Variants in SASH1 observed in about 807,000 individuals in gnomAD.
SASH1 encodes SAM and SH3 domain containing 1.
In SASH1, 44 loss-of-function variants were observed where a neutral mutation model predicts 125.2. That is an observed-to-expected ratio of 0.35 (90% confidence interval 0.28 to 0.45). The LOEUF is 0.45. Ranked by LOEUF, SASH1 falls within the 20% of genes least tolerant of loss-of-function variation. The pLI, the probability that SASH1 is intolerant of heterozygous loss-of-function variation, is 1.00. For missense variants in SASH1, 1,426 were observed against 1,614.5 expected (o/e 0.88, Z 2.00); for synonymous variants, 639 against 649.1 (o/e 0.98, Z 0.24).
intron 1 of SASH1, among the ~76,000 whole-genome samples, chr6:148,383,832 C>T (rs995457812): frequency 3.9e-5 from 6 of 152,124 alleles, no homozygotes; most frequent in Non-Finnish European, 7.4e-5. Flanking sequence ...GTTGAGGAAA[C>T]AGTGCTCTGT....
chr6:148,514,772 T>C (rs532420520), intron 9 of SASH1, among the ~76,000 whole-genome samples: 2 of 152,370 alleles, frequency 1.3e-5, no homozygotes, highest in Admixed American at 1.3e-4. Flanking sequence ...ATATAAACTT[T>C]CTAACTTTTT....
At chr6:148,450,724 A>G (rs1583181263) in intron 4 of SASH1, among the ~76,000 whole-genome samples, 4 of 148,586 alleles carry the variant, frequency 2.7e-5, no homozygotes. Context: ...TCATTGAGGT[A>G]TATATTATAT....
At chr6:148,394,637 C>T (rs1265712355) in intron 2 of SASH1, among the ~76,000 whole-genome samples, 2 of 152,064 alleles carry the variant, frequency 1.3e-5, no homozygotes, top group Non-Finnish European at 2.9e-5. Flanking sequence ...TTCTCTATCT[C>T]TCTCTCTTTC....
chr6:148,339,796 C>T (rs1229685334), upstream of SASH1, among the ~76,000 whole-genome samples: 2 of 152,144 alleles, frequency 1.3e-5, no homozygotes. Context: ...GTGCCTGCCT[C>T]AGTCTCCCAA....
chr6:148,387,957 C>G (rs929600719), intron 1 of SASH1, among the ~76,000 whole-genome samples: 1 of 130,224 alleles, frequency 7.7e-6, no homozygotes, highest in Non-Finnish European at 1.6e-5. Flanking sequence ...CTCTTGTTGC[C>G]CAGGCTGGAG....
At chr6:148,269,800 T>G (rs1779021305), upstream of SASH1, among the ~76,000 whole-genome samples, 1 of 152,190 alleles carries the variant, frequency 6.6e-6, no homozygotes, top group East Asian at 1.9e-4. Context: ...TTATACATGA[T>G]TATTTTAAAG....
intron 1 of SASH1, among the ~76,000 whole-genome samples, chr6:148,377,169 CAAAAAAAAAAA>C (rs59339599): frequency 6.4e-5 from 6 of 94,218 alleles, no homozygotes; most frequent in African/African-American, 2.6e-4. Flanking sequence ...GACTCCGTCT[CAAAAAAAAAAA>C]AAACAAAAAA....
chr6:148,445,916 G>A (rs143980492), intron 4 of SASH1, among the ~76,000 whole-genome samples: 4 of 152,066 alleles, frequency 2.6e-5, no homozygotes, highest in Non-Finnish European at 4.4e-5. Flanking sequence ...ACGTTTGAAG[G>A]CAGGGGCATA....
intron 1 of SASH1, among the ~76,000 whole-genome samples, chr6:148,292,962 G>A (rs1274226427): frequency 6.6e-6 from 1 of 151,838 alleles, no homozygotes; most frequent in Non-Finnish European, 1.5e-5. Context: ...TGAGGCAGGA[G>A]AATCACTTGA....
At chr6:148,292,609 G>A (rs559892732) in intron 1 of SASH1, among the ~76,000 whole-genome samples, 3 of 152,124 alleles carry the variant, frequency 2.0e-5, no homozygotes, top group African/African-American at 4.8e-5. Context: ...ACTTTCATGG[G>A]GACTCAGATG....
rs762372620 is a variant in SASH1, at chr6:148,543,673, C to T, written c.2210-7C>T. On this transcript the variant is annotated splice_region_variant and splice_polypyrimidine_tract_variant and intron_variant, in intron 17 of 19. Coordinates refer to ENST00000367467, the MANE Select transcript of SASH1 (RefSeq NM_015278.5). ...ATGTGATTGTAAAATATTCCCTTGT[C>T]TCACAGGCAAGACTCGGAAAGCTAG... 5 of 1,520,736 alleles carry T rather than the reference C, an allele frequency of 3.3e-6. No individual in the cohort carries two copies. Among genetic ancestry groups the T allele is most frequent in the Non-Finnish European group, 4.4e-6 (5 of 1,135,378 alleles). The allele number at this position is 1,520,736 out of a possible 1,614,324, so 94.2% of individuals were successfully genotyped here. A position where few individuals can be genotyped will look rare whatever the true frequency, so the allele number is the denominator to read the frequency against.
At chr6:148,283,578 C>G (rs1779403717) in intron 1 of SASH1, among the ~76,000 whole-genome samples, 1 of 152,086 alleles carries the variant, frequency 6.6e-6, no homozygotes, top group Non-Finnish European at 1.5e-5. Context: ...TCGAGACCAT[C>G]CTGGCTAACA....
At chr6:148,353,116 T>C (rs1340122906) in intron 1 of SASH1, among the ~76,000 whole-genome samples, 1 of 152,178 alleles carries the variant, frequency 6.6e-6, no homozygotes, top group African/African-American at 2.4e-5. Context: ...TCACGCAGGC[T>C]GGAGTGCAGT....
intron 7 of SASH1, among the ~76,000 whole-genome samples, chr6:148,477,506 A>G (rs1778416180): frequency 6.6e-6 from 1 of 151,914 alleles, no homozygotes. Flanking sequence ...TCAAAACTAC[A>G]GTAAGATATC....
At chr6:148,423,589 C>T (rs908646427) in intron 2 of SASH1, among the ~76,000 whole-genome samples, 3 of 152,206 alleles carry the variant, frequency 2.0e-5, no homozygotes, top group African/African-American at 4.8e-5. Flanking sequence ...CTTATTCAGT[C>T]ACCCAATCTG....
At chr6:148,405,758 C>T (rs1784347597) in intron 2 of SASH1, among the ~76,000 whole-genome samples, 1 of 152,132 alleles carries the variant, frequency 6.6e-6, no homozygotes. Flanking sequence ...CTTAGAAACC[C>T]CAGCTGGACC....
chr6:148,331,192 T>C (rs1180660570), intron 1 of SASH1, among the ~76,000 whole-genome samples: 1 of 152,238 alleles, frequency 6.6e-6, no homozygotes, highest in Non-Finnish European at 1.5e-5. Flanking sequence ...TATAATGTGT[T>C]ACCAAATTTT....
intron 9 of SASH1, among the ~76,000 whole-genome samples, chr6:148,517,584 G>A (rs183465567): frequency 2.0e-5 from 3 of 152,296 alleles, no homozygotes; most frequent in East Asian, 1.9e-4. Context: ...AGGCTCAGAC[G>A]GAAAAGCCCG....
chr6:148,446,027 G>A (rs1367905156), intron 4 of SASH1, among the ~76,000 whole-genome samples: 1 of 151,172 alleles, frequency 6.6e-6, no homozygotes, highest in African/African-American at 2.4e-5. Context: ...TAGCTATAAG[G>A]GAGTTTAGAG....
Sources: allele counts gnomAD v4.1 joint callset (sites outside exome capture counted in the v4.1 genomes callset), GRCh38; gene constraint gnomAD v4.1.1; transcripts MANE v1.5; gene names NCBI Gene and HGNC (gene_info 2026-07-23, HGNC 2026-07-21).